The following COL11A1 variants were observed in gnomAD, a reference collection of about 807,000 sequenced individuals.
The protein encoded by COL11A1 is collagen alpha-1(XI) chain.
COL11A1 carries 74 observed loss-of-function variants against 265.2 expected under a neutral mutation model. That is an observed-to-expected ratio of 0.28 (90% CI 0.23 to 0.34). The LOEUF (loss-of-function observed/expected upper bound fraction) is 0.34. Among genes scored for constraint, COL11A1 ranks in the 10% least tolerant of loss-of-function variants. COL11A1 has a pLI of 1.00. For synonymous variants in COL11A1, 816 were observed against 727.6 expected (o/e 1.12, Z -1.96); for missense variants, 2,165 against 2,263.6 (o/e 0.96, Z 0.88).
In COL11A1 at chr1:102,987,633, C is replaced by T; in HGVS notation, c.2502G>A (p.Lys834=). The T allele has an allele frequency of 1.9e-6, 3 of 1,612,494 alleles. No individual in the cohort carries two copies. Among genetic ancestry groups the T allele is most frequent in the Non-Finnish European group, 2.5e-6 (3 of 1,178,774 alleles). The change falls in exon 30 of 67, where the codon AAG becomes AAA. Residue 834 remains lysine (K), a splice_region_variant and synonymous_variant. Transcript: ENST00000370096. ...DPGPSGQAGE[K]GKLGVPGLPG... Reference sequence around the variant, plus strand: ...AGTGAATTTAAAGTCATTTACCAACCTTTTCTCCTGCTTGACCTGAAGGAC... The same window carrying T: ...AGTGAATTTAAAGTCATTTACCAACTTTTTCTCCTGCTTGACCTGAAGGAC...
intron 1 of COL11A1, among the ~76,000 whole-genome samples, chr1:103,095,944 G>A (rs920602572): frequency 6.6e-6 from 1 of 152,180 alleles, no homozygotes; most frequent in East Asian, 1.9e-4. Flanking sequence ...AAGAGTGAAA[G>A]AGCTGTGGTC....
At position 103,105,608 on chromosome 1, in the gene COL11A1, C is replaced by A. The variant is rs545839610; in HGVS notation, c.106+2465G>T. 4.6e-5 allele frequency among the ~76,000 whole-genome samples: 7 copies of A among 152,054 alleles called. No homozygotes were observed. The South Asian group carries it at 1.5e-3, about 32-fold the overall frequency. The stretch of plus-strand genomic sequence containing the variant: ...TTTAAATTATCTTTGTGCTTAATAT[C>A]CAAATCTTATCACTGTACCTCAATG... On this transcript the variant is annotated intron_variant, in intron 1 of 66. Coordinates refer to ENST00000370096, the MANE Select transcript of COL11A1 (RefSeq NM_001854.4).
intron 25 of COL11A1, 60 bp from the exon 26 acceptor site, chr1:102,997,184 C>G: frequency 7.4e-7 from 1 of 1,357,922 alleles, no homozygotes; most frequent in Non-Finnish European, 1.1e-6. Flanking sequence ...GATAATACTA[C>G]GAAAGTATTT....
At chr1:102,907,487 C>A (rs1325883835) in intron 54 of COL11A1, among the ~76,000 whole-genome samples, 1 of 152,032 alleles carries the variant, frequency 6.6e-6, no homozygotes, top group African/African-American at 2.4e-5. Context: ...CCACTCGTAA[C>A]AATTGCAACC....
At chr1:102,882,487 AAACTT>A (rs1378290096) in intron 64 of COL11A1, among the ~76,000 whole-genome samples, 6 of 152,146 alleles carry the variant, frequency 3.9e-5, no homozygotes, top group Admixed American at 3.9e-4. Flanking sequence ...CTTTACTCAG[AAACTT>A]AACTTTTCTC....
intron 46 of COL11A1, among the ~76,000 whole-genome samples, chr1:102,924,445 A>T (rs1656351836): frequency 6.6e-6 from 1 of 152,036 alleles, no homozygotes. Context: ...TTCATGTCAC[A>T]ACAATACTTT....
chr1:102,886,752 AC>A, intron 63 of COL11A1, 54 bp downstream of exon 63: 1 of 1,610,832 alleles, frequency 6.2e-7, no homozygotes, highest in Non-Finnish European at 8.5e-7. Context: ...CTGCCAATGC[AC>A]CTCAGAAACT....
At chr1:103,062,878 A>G (rs986335060) in intron 4 of COL11A1, among the ~76,000 whole-genome samples, 2 of 152,054 alleles carry the variant, frequency 1.3e-5, no homozygotes, top group African/African-American at 4.8e-5. Flanking sequence ...TGGAAATAAT[A>G]AATGATTGTT....
At chr1:102,934,710 T>C (rs528950803) in intron 45 of COL11A1, among the ~76,000 whole-genome samples, 154 bp from the exon 46 acceptor site, 12 of 152,360 alleles carry the variant, frequency 7.9e-5, no homozygotes, top group Middle Eastern at 3.4e-3. Flanking sequence ...TGCTCCAATA[T>C]ACTATTGTTT....
At chr1:102,925,510 A>AT (rs905820231) in intron 46 of COL11A1, among the ~76,000 whole-genome samples, 7 of 152,022 alleles carry the variant, frequency 4.6e-5, no homozygotes, top group African/African-American at 1.7e-4. Context: ...CCAGAATTTC[A>AT]TTTTTTTCTC....
rs747637758 is a variant in COL11A1 at position 102,961,959 on chromosome 1, G to C, written c.3115-40C>G. 8 of 1,563,150 alleles carry C rather than the reference G, an allele frequency of 5.1e-6. No homozygotes were observed. In the African/African-American group the frequency reaches 9.5e-5, roughly 18 times the overall value. ...AAAAATAAAGAAAATGAATCCATAT[G>C]AATTGAATACCAATAGGAGGAGATA... On this transcript the variant is annotated intron_variant, in intron 40 of 66. Coordinates refer to ENST00000370096, the MANE Select transcript of COL11A1 (RefSeq NM_001854.4).
rs1658600616 is a variant in COL11A1, at chr1:102,940,418, T to C, written c.3293A>G (p.Gln1098Arg). The C allele has an allele frequency of 1.2e-6, 2 of 1,613,712 alleles. No individual in the cohort carries two copies. Among genetic ancestry groups the C allele is most frequent in the South Asian group, 2.2e-5 (2 of 91,070 alleles). Residue 1098 changes from glutamine (Q) to arginine (R), a missense_variant, in exon 43 of 67, where the codon CAA becomes CGA. Transcript: ENST00000370096. ...AACTCCATCTCTCCCTGCAGGCCCT[T>C]GGGGACCTTTTTCTCCCTGTATTGA... ...EKGAPGEKGP[Q>R]GPAGRDGVQG...
chr1:102,984,295 C>T (rs984516388), intron 30 of COL11A1, 104 bp from the exon 31 acceptor site: 1 of 701,650 alleles, frequency 1.4e-6, no homozygotes, highest in Non-Finnish European at 2.3e-6. Flanking sequence ...ATTGTACACT[C>T]AAAAGGAAGA....
intron 1 of COL11A1, among the ~76,000 whole-genome samples, chr1:103,095,891 A>G (rs903907988): frequency 2.0e-4 from 30 of 152,054 alleles, no homozygotes; most frequent in African/African-American, 6.3e-4. Flanking sequence ...CTATGTGAAT[A>G]TGTGAATACT....
chr1:103,072,465 CATAAT>C (rs1271166232), intron 4 of COL11A1, among the ~76,000 whole-genome samples: 1 of 151,812 alleles, frequency 6.6e-6, no homozygotes, highest in Non-Finnish European at 1.5e-5. Context: ...AAAACACTAA[CATAAT>C]ATATAGACAG....
chr1:103,031,261 AAC>A lies in COL11A1; in HGVS notation c.652-19_652-18del, dbSNP rs1667972689. Reference sequence around the variant, plus strand: ...AATGTCCCCCTGGGAAAAAAAAAAAAACAAAAACAAACAGACACAGATTCAGT... The same window carrying A: ...AATGTCCCCCTGGGAAAAAAAAAAAAAAAAACAAACAGACACAGATTCAGT... On this transcript the variant is annotated intron_variant, in intron 4 of 66. Coordinates refer to ENST00000370096, the MANE Select transcript of COL11A1 (RefSeq NM_001854.4). 4 of 1,593,866 alleles carry A rather than the reference AAC, an allele frequency of 2.5e-6. No individual in the cohort carries two copies. Among genetic ancestry groups the A allele is most frequent in the Non-Finnish European group, 2.6e-6 (3 of 1,174,678 alleles).
At chr1:103,082,640 T>G (rs548157132) in intron 2 of COL11A1, among the ~76,000 whole-genome samples, 165 bp downstream of exon 2, 1 of 152,216 alleles carries the variant, frequency 6.6e-6, no homozygotes, top group Admixed American at 6.5e-5. Context: ...CACAAGGTAT[T>G]TGGTGTCTGA....
intron 44 of COL11A1, among the ~76,000 whole-genome samples, chr1:102,936,255 C>G (rs1174501639): frequency 6.7e-6 from 1 of 150,332 alleles, no homozygotes; most frequent in Non-Finnish European, 1.5e-5. Flanking sequence ...AAAAAAAAGC[C>G]CTACAAACAT....
intron 41 of COL11A1, among the ~76,000 whole-genome samples, chr1:102,950,468 T>G (rs559262118): frequency 8.5e-5 from 13 of 152,242 alleles, no homozygotes; most frequent in Admixed American, 8.5e-4. Context: ...TGAAATAGTG[T>G]GGGTTAATGC....
Sources: allele counts gnomAD v4.1 joint callset (sites outside exome capture counted in the v4.1 genomes callset), GRCh38; gene constraint gnomAD v4.1.1; transcripts MANE v1.5; gene names NCBI Gene and HGNC (gene_info 2026-07-23, HGNC 2026-07-21).